Variants in NLGN1 observed in about 807,000 individuals in gnomAD.
NLGN1 encodes neuroligin-1.
In NLGN1, 12 loss-of-function variants were observed where a neutral mutation model predicts 65.5. The observed-to-expected ratio is 0.18, with a 90% CI of 0.12 to 0.30. The LOEUF is 0.30. Among genes scored for constraint, NLGN1 ranks in the 10% least tolerant of loss-of-function variants. The pLI is 1.00. For synonymous variants in NLGN1, 350 were observed against 359.5 expected (o/e 0.97, Z 0.30); for missense variants, 750 against 1,007.1 (o/e 0.74, Z 3.46).
chr3:173,705,711 T>C (rs1262013735), intron 3 of NLGN1, among the ~76,000 whole-genome samples: 3 of 152,150 alleles, frequency 2.0e-5, no homozygotes, highest in Non-Finnish European at 4.4e-5. Context: ...GGAATACTTA[T>C]TCGGTCGTCA....
intron 4 of NLGN1, among the ~76,000 whole-genome samples, chr3:174,120,131 G>A (rs1366155464): frequency 1.3e-5 from 2 of 152,078 alleles, no homozygotes; most frequent in African/African-American, 2.4e-5. Context: ...TGTTTTAAGG[G>A]TTAAATGAGA....
intron 4 of NLGN1, among the ~76,000 whole-genome samples, chr3:174,179,491 T>A (rs940634798): frequency 7.9e-5 from 12 of 152,246 alleles, no homozygotes; most frequent in African/African-American, 2.9e-4. Flanking sequence ...CAAGCGGATT[T>A]TTTTTGTCTC....
At chr3:173,714,629 A>G (rs1241348842) in intron 3 of NLGN1, among the ~76,000 whole-genome samples, 2 of 152,112 alleles carry the variant, frequency 1.3e-5, no homozygotes, top group Non-Finnish European at 2.9e-5. Context: ...AGAATGAACT[A>G]TGCCTTTCTG....
chr3:173,766,530 T>C (rs1778813952), intron 3 of NLGN1, among the ~76,000 whole-genome samples: 1 of 152,198 alleles, frequency 6.6e-6, no homozygotes, highest in African/African-American at 2.4e-5. Context: ...TATTGAACCC[T>C]GACTATATTA....
intron 2 of NLGN1, among the ~76,000 whole-genome samples, chr3:173,539,663 A>G (rs1460493255): frequency 7.1e-6 from 1 of 141,834 alleles, no homozygotes; most frequent in Non-Finnish European, 1.5e-5. Flanking sequence ...ATATGTGTAT[A>G]TATGCACATA....
chr3:173,704,058 T>G (rs1347079970), intron 3 of NLGN1, among the ~76,000 whole-genome samples: 1 of 152,194 alleles, frequency 6.6e-6, no homozygotes, highest in Non-Finnish European at 1.5e-5. Context: ...CATATTGTGT[T>G]ATTGCCTGCC....
intron 4 of NLGN1, among the ~76,000 whole-genome samples, chr3:174,175,831 T>A (rs888282688): frequency 6.6e-6 from 1 of 151,948 alleles, no homozygotes; most frequent in African/African-American, 2.4e-5. Flanking sequence ...ATCCTGTAGG[T>A]CTTTATGCTA....
At chr3:174,265,763 C>CTATATATATATATATATGTATA (rs1747989658) in intron 4 of NLGN1, among the ~76,000 whole-genome samples, 1 of 125,668 alleles carries the variant, frequency 8.0e-6, no homozygotes, top group Non-Finnish European at 1.6e-5. Context: ...ACTAAGAAGG[C>CTATATATATATATATATGTATA]TATATATATA....
chr3:174,178,457 T>C lies in NLGN1; in HGVS notation c.647-96858T>C, dbSNP rs548185399. Among the ~76,000 whole-genome samples the C allele has an allele frequency of 2.6e-4, 39 of 152,272 alleles. 1 individual carries two copies. In the South Asian group the frequency reaches 7.9e-3, roughly 31 times the overall value. ...TTAAGAGTAATTGCTTTGGCATAAT[T>C]GTTATTTGTAATCTTAGAACAAATG... On this transcript the variant is annotated intron_variant, in intron 4 of 6. Transcript: ENST00000457714.
intron 4 of NLGN1, among the ~76,000 whole-genome samples, chr3:174,154,936 T>TTTTATATATAATATATAATATATAA (rs1392852997): frequency 1.1e-5 from 1 of 91,648 alleles, no homozygotes; most frequent in Non-Finnish European, 2.0e-5. Flanking sequence ...TAATTTATAT[T>TTTTATATATAATATATAATATATAA]TTATATATAA....
Position 173,880,249 on chromosome 3 carries a change from G to A in NLGN1, c.646+72417G>A, listed in dbSNP as rs116487059. Among the ~76,000 whole-genome samples the A allele has an allele frequency of 2.5e-3, 387 of 152,156 alleles. 3 individuals carry two copies. Among genetic ancestry groups the A allele is most frequent in the African/African-American group, 8.9e-3 (371 of 41,518 alleles). On this transcript the variant is annotated intron_variant, in intron 4 of 6. Coordinates refer to ENST00000457714, the Ensembl canonical transcript of NLGN1. ...ATTGTGTGGTTGTACAAGATAGAATGTAAAAAGAAATAAAATCAAATGTAG... is the reference window on the plus strand; with the variant it reads ...ATTGTGTGGTTGTACAAGATAGAATATAAAAAGAAATAAAATCAAATGTAG...
intron 4 of NLGN1, among the ~76,000 whole-genome samples, chr3:173,951,543 A>T (rs916199567): frequency 6.6e-6 from 1 of 151,224 alleles, no homozygotes; most frequent in Non-Finnish European, 1.5e-5. Context: ...GCTCACTGCA[A>T]CCTCTTCCTT....
intron 3 of NLGN1, among the ~76,000 whole-genome samples, chr3:173,744,544 A>G (rs1366985616): frequency 1.3e-5 from 2 of 152,152 alleles, no homozygotes; most frequent in African/African-American, 4.8e-5. Flanking sequence ...AAAGATCTGG[A>G]AAGACTTCTG....
intron 1 of NLGN1, among the ~76,000 whole-genome samples, chr3:173,424,341 C>A (rs1560232958): frequency 1.3e-5 from 2 of 152,218 alleles, no homozygotes; most frequent in South Asian, 4.1e-4. Flanking sequence ...CTCCTCCTTA[C>A]TTGAGCAAAT....
intron 2 of NLGN1, among the ~76,000 whole-genome samples, chr3:173,535,656 A>T (rs1433710009): frequency 1.3e-5 from 2 of 152,180 alleles, no homozygotes; most frequent in Admixed American, 6.5e-5. Context: ...TGACCATAAG[A>T]TGTTGACTCA....
intron 4 of NLGN1, among the ~76,000 whole-genome samples, chr3:174,027,489 G>A (rs537973470): frequency 6.6e-6 from 1 of 152,260 alleles, no homozygotes; most frequent in South Asian, 2.1e-4. Flanking sequence ...TTTGGTGCCA[G>A]ATGTATTTCA....
chr3:173,435,326 C>A (rs945582347), intron 2 of NLGN1, among the ~76,000 whole-genome samples: 6 of 152,236 alleles, frequency 3.9e-5, no homozygotes, highest in Non-Finnish European at 7.4e-5. Flanking sequence ...TCTCCTTCTA[C>A]CCCCATAACC....
At chr3:173,858,055 A>G (rs556272114) in intron 4 of NLGN1, among the ~76,000 whole-genome samples, 2 of 150,756 alleles carry the variant, frequency 1.3e-5, no homozygotes, top group Non-Finnish European at 3.0e-5. Flanking sequence ...ATATGCTTAA[A>G]TTTCAGTATT....
At chr3:173,447,003 A>G (rs1457550024) in intron 2 of NLGN1, among the ~76,000 whole-genome samples, 2 of 151,978 alleles carry the variant, frequency 1.3e-5, no homozygotes, top group African/African-American at 2.4e-5. Context: ...ATTTTCTCCC[A>G]TTCTGTAGGT....
Sources: allele counts gnomAD v4.1 joint callset (sites outside exome capture counted in the v4.1 genomes callset), GRCh38; gene constraint gnomAD v4.1.1; transcripts MANE v1.5; gene names NCBI Gene and HGNC (gene_info 2026-07-23, HGNC 2026-07-21).